The following SNAP47 variants were observed in gnomAD, a reference collection of about 807,000 sequenced individuals.
SNAP47 encodes the protein synaptosomal-associated protein 47.
A neutral mutation model predicts 31.4 loss-of-function variants in SNAP47; 20 were observed. That is an observed-to-expected ratio of 0.64 (90% CI 0.45 to 0.93). SNAP47 has a LOEUF of 0.93. Among genes scored for constraint, SNAP47 ranks in the 40% least tolerant of loss-of-function variants. The probability of loss-of-function intolerance (pLI) is 0.00; values close to 1 mark genes in which losing one functional copy is unlikely to be tolerated. For missense variants in SNAP47, 492 were observed against 528.5 expected (o/e 0.93, Z 0.68); for synonymous variants, 194 against 213.4 (o/e 0.91, Z 0.79).
At chr1:227,756,666 G>A (rs940517857) in intron 2 of SNAP47, among the ~76,000 whole-genome samples, 4 of 152,250 alleles carry the variant, frequency 2.6e-5, no homozygotes, top group African/African-American at 9.6e-5. Context: ...CTGAAATGGG[G>A]TAGATCTTGG....
At chr1:227,732,132 A>T (rs993556344), upstream of SNAP47, 1 of 564,844 alleles carries the variant, frequency 1.8e-6, no homozygotes, top group Non-Finnish European at 3.2e-6. Context: ...AGGGCCCCCA[A>T]AAGAGCCAGG....
intron 2 of SNAP47, among the ~76,000 whole-genome samples, chr1:227,752,266 T>C (rs1662424302): frequency 6.6e-6 from 1 of 152,134 alleles, no homozygotes; most frequent in Non-Finnish European, 1.5e-5. Context: ...TCCTTGAGAA[T>C]GTTAAGAACA....
intron 4 of SNAP47, chr1:227,775,682 G>A (rs1403119624): frequency 8.8e-7 from 1 of 1,139,378 alleles, no homozygotes; most frequent in Non-Finnish European, 1.2e-6. Flanking sequence ...TGCTTTGTAG[G>A]TGGGCCCACC....
chr1:227,746,340 ACCT>A (rs1303468024), intron 1 of SNAP47: 2 of 151,974 alleles, frequency 1.3e-5, no homozygotes, highest in East Asian at 1.9e-4. Flanking sequence ...GTCCAGCCAC[ACCT>A]CCTTCCCTGC....
intron 2 of SNAP47, among the ~76,000 whole-genome samples, chr1:227,756,408 T>C (rs1170102471): frequency 1.3e-5 from 2 of 152,258 alleles, no homozygotes; most frequent in Non-Finnish European, 2.9e-5. Flanking sequence ...ATTTTTCTTC[T>C]TTCTTTGTCA....
At chr1:227,772,171 G>T (rs556795613) in intron 4 of SNAP47, among the ~76,000 whole-genome samples, 2 of 152,152 alleles carry the variant, frequency 1.3e-5, no homozygotes, top group Non-Finnish European at 2.9e-5. Context: ...TTATAGCAGT[G>T]GGGAGTTTCT....
intron 3 of SNAP47, among the ~76,000 whole-genome samples, chr1:227,760,004 C>G (rs1004150257): frequency 1.3e-5 from 2 of 152,258 alleles, no homozygotes; most frequent in African/African-American, 4.8e-5. Flanking sequence ...TTGAGTGTCT[C>G]TGCCACAACA....
upstream of SNAP47, chr1:227,732,315 C>T (rs112127815): frequency 1.5e-4 from 233 of 1,522,900 alleles, no homozygotes; most frequent in African/African-American, 1.9e-3. Flanking sequence ...ACAGGGAGGG[C>T]GGTCTTTATT....
At chr1:227,730,705 A>G (rs1660585217), upstream of SNAP47, 1 of 152,240 alleles carries the variant, frequency 6.6e-6, no homozygotes, top group African/African-American at 2.4e-5. Flanking sequence ...GGGTCTTCAC[A>G]TACAGTTCAG....
chr1:227,773,022 A>G (rs889946941), intron 4 of SNAP47, among the ~76,000 whole-genome samples: 8 of 151,520 alleles, frequency 5.3e-5, no homozygotes, highest in African/African-American at 9.7e-5. Flanking sequence ...GTGCAGTGGC[A>G]TGATCTCGGT....
chr1:227,728,886 G>A (rs1571951787), intron 1 of SNAP47: 1 of 152,604 alleles, frequency 6.6e-6, no homozygotes, highest in East Asian at 1.9e-4. Flanking sequence ...GATGGGAGCA[G>A]GCACGCATCT....
At chr1:227,766,893 C>A (rs1300282363) in intron 3 of SNAP47, 66 bp from the exon 4 acceptor site, 1 of 1,596,228 alleles carries the variant, frequency 6.3e-7, no homozygotes, top group Non-Finnish European at 8.6e-7. Flanking sequence ...GCTCTGCCAT[C>A]CAGAGCACAC....
intron 4 of SNAP47, among the ~76,000 whole-genome samples, chr1:227,767,574 T>C (rs1262471464): frequency 1.3e-5 from 2 of 152,142 alleles, no homozygotes; most frequent in Admixed American, 6.5e-5. Context: ...GTTGTGTGTG[T>C]ATGCACATGT....
Position 227,763,123 on chromosome 1 carries a change from A to AT in SNAP47, c.988+3652dup, listed in dbSNP as rs1318794151. Among the ~76,000 whole-genome samples the AT allele has an allele frequency of 8.0e-4, 116 of 144,836 alleles. 1 individual carries two copies. The highest frequency in any genetic ancestry group is 3.5e-3 in the Middle Eastern group (1 of 282). The stretch of plus-strand genomic sequence containing the variant: ...AGGCACATATCACCATGCCCAGCTA[A>AT]TTTTTTTTTTTTTTAATTATGGGGT... On this transcript the variant is annotated intron_variant, in intron 3 of 4. Transcript: ENST00000617596. This position sits in a 1 kb window ranked among gnomAD's most constrained non-coding sequence, Gnocchi z 4.2.
chr1:227,743,824 A>C (rs1204751493), intron 1 of SNAP47: 3 of 152,372 alleles, frequency 2.0e-5, no homozygotes, highest in Non-Finnish European at 4.4e-5. Flanking sequence ...TAAGCTGTCT[A>C]CAGCATCCCT....
chr1:227,748,824 A>G (rs1428973552), intron 2 of SNAP47, among the ~76,000 whole-genome samples: 2 of 152,166 alleles, frequency 1.3e-5, no homozygotes, highest in Non-Finnish European at 2.9e-5. Context: ...TTCATGAGCT[A>G]TGTTCTTCTG....
intron 2 of SNAP47, among the ~76,000 whole-genome samples, chr1:227,752,616 T>C (rs1376181762): frequency 6.6e-6 from 1 of 152,242 alleles, no homozygotes; most frequent in African/African-American, 2.4e-5. Flanking sequence ...CACTGTATTT[T>C]TGTACCCGAA....
At chr1:227,777,006 A>G (rs1281605146) in intron 4 of SNAP47, 7 of 985,310 alleles carry the variant, frequency 7.1e-6, no homozygotes, top group Non-Finnish European at 8.4e-6. Flanking sequence ...AATTGTGCAT[A>G]TTATTACTGT....
At position 227,741,985 on chromosome 1, in the gene SNAP47, G is replaced by A. The variant is rs1303726824; in HGVS notation, c.-45-5707G>A. ...AATGAGAAGAGCCTTGGTTATTCAT[G>A]TCCTAATTTTTTGGTCTTTTTTTTC... On this transcript the variant is annotated intron_variant, in intron 1 of 4. Transcript: ENST00000617596. This position sits in a 1 kb window ranked among gnomAD's most constrained non-coding sequence, Gnocchi z 4.2. Among the ~76,000 whole-genome samples, 3 of 151,876 alleles carry A rather than the reference G, an allele frequency of 2.0e-5. No individual in the cohort carries two copies. Among genetic ancestry groups the A allele is most frequent in the African/African-American group, 4.8e-5 (2 of 41,464 alleles).
Sources: allele counts gnomAD v4.1 joint callset (sites outside exome capture counted in the v4.1 genomes callset), GRCh38; gene constraint gnomAD v4.1.1; non-coding constraint Gnocchi (gnomAD v3.1); transcripts MANE v1.5; gene names NCBI Gene and HGNC (gene_info 2026-07-23, HGNC 2026-07-21).